The following ARHGEF4 variants were observed in gnomAD, a reference collection of about 807,000 sequenced individuals.
The protein encoded by ARHGEF4 is APC-stimulated guanine nucleotide exchange factor 1.
In ARHGEF4, 119 loss-of-function variants were observed where a neutral mutation model predicts 162.0. The observed-to-expected ratio is 0.73, with a 90% CI of 0.63 to 0.86. ARHGEF4 has a LOEUF of 0.86. Among genes scored for constraint, ARHGEF4 ranks in the 40% least tolerant of loss-of-function variants. The pLI is 0.00. For missense variants in ARHGEF4, 2,488 were observed against 2,456.0 expected (o/e 1.01, Z -0.28); for synonymous variants, 1,014 against 979.9 (o/e 1.03, Z -0.65).
At position 130,963,651 on chromosome 2, in the gene ARHGEF4, C is replaced by T. The variant is rs566839848; in HGVS notation, c.3985+17016C>T. Reference sequence around the variant, plus strand: ...GCCCGCCGCCGCAGCCGCTCCAGGCCTGCGTGCGCGCGTGCGTGAGCGCGT... The same window carrying T: ...GCCCGCCGCCGCAGCCGCTCCAGGCTTGCGTGCGCGCGTGCGTGAGCGCGT... On this transcript the variant is annotated intron_variant, in intron 4 of 13. Transcript: ENST00000409359. 6.1e-3 allele frequency: 903 copies of T among 147,146 alleles called. 8 individuals are homozygous for T. Among genetic ancestry groups the T allele is most frequent in the African/African-American group, 0.021 (871 of 40,892 alleles). 9.1% of individuals were successfully genotyped at this position (147,146 alleles called of 1,614,324 possible).
intron 1 of ARHGEF4, among the ~76,000 whole-genome samples, chr2:130,852,209 G>A (rs1009666965): frequency 6.6e-6 from 1 of 152,228 alleles, no homozygotes; most frequent in African/African-American, 2.4e-5. Context: ...TGGGTCTAGT[G>A]GTGGAGACAG....
intron 1 of ARHGEF4, among the ~76,000 whole-genome samples, chr2:130,871,305 G>A (rs978879309): frequency 6.6e-6 from 1 of 152,164 alleles, no homozygotes; most frequent in Non-Finnish European, 1.5e-5. Context: ...GGAGGCCGAG[G>A]TGGGCGGATC....
rs181286781 is a variant in ARHGEF4 at position 130,877,107 on chromosome 2, C to T, written c.40-36879C>T. Among the ~76,000 whole-genome samples the T allele has an allele frequency of 3.9e-5, 6 of 152,292 alleles. No homozygotes were observed. The East Asian group carries it at 5.8e-4, about 15-fold the overall frequency. On this transcript the variant is annotated intron_variant, in intron 1 of 13. Coordinates refer to ENST00000409359, the MANE Select transcript of ARHGEF4 (RefSeq NM_001367493.1). ...AACACACAGGCTCCAACCCGCTCTCCGTGCATGCCCTCCAGCTCACAGGGA... is the reference window on the plus strand; with the variant it reads ...AACACACAGGCTCCAACCCGCTCTCTGTGCATGCCCTCCAGCTCACAGGGA...
chr2:130,966,534 C>T (rs1039142190), intron 4 of ARHGEF4, among the ~76,000 whole-genome samples: 1 of 152,244 alleles, frequency 6.6e-6, no homozygotes, highest in South Asian at 2.1e-4. Context: ...GAAACAGGCT[C>T]AGAGGTGTGG....
intron 9 of ARHGEF4, 153 bp from the exon 10 acceptor site, chr2:131,041,662 T>C: frequency 2.5e-6 from 3 of 1,221,712 alleles, no homozygotes; most frequent in Non-Finnish European, 1.1e-6. Flanking sequence ...TTGCCATTTA[T>C]GGAGAAGAGA....
intron 1 of ARHGEF4, among the ~76,000 whole-genome samples, chr2:130,903,434 A>G (rs1248140457): frequency 1.3e-5 from 2 of 151,564 alleles, no homozygotes. Context: ...TAATTTTTGT[A>G]TTTTTAGTAG....
intron 4 of ARHGEF4, among the ~76,000 whole-genome samples, chr2:130,962,501 C>CATG (rs776763079): frequency 3.9e-5 from 6 of 152,130 alleles, no homozygotes; most frequent in Non-Finnish European, 7.4e-5. Context: ...ATCATATACT[C>CATG]ATGATAGACA....
intron 6 of ARHGEF4, chr2:131,039,238 AGAGAG>A (rs1172594856): frequency 1.6e-6 from 2 of 1,276,526 alleles, no homozygotes; most frequent in Non-Finnish European, 2.1e-6. Flanking sequence ...CTCGGGGGCC[AGAGAG>A]GAGAGCAGTC....
intron 1 of ARHGEF4, among the ~76,000 whole-genome samples, chr2:130,883,122 G>A (rs1025735833): frequency 1.3e-5 from 2 of 151,988 alleles, no homozygotes; most frequent in Non-Finnish European, 2.9e-5. Context: ...TTCAAGGAGC[G>A]AGATGCCAGA....
intron 11 of ARHGEF4, among the ~76,000 whole-genome samples, chr2:131,043,849 C>T (rs1691017157): frequency 6.6e-6 from 1 of 152,184 alleles, no homozygotes; most frequent in Non-Finnish European, 1.5e-5. Context: ...CCTCAAGCTA[C>T]CTCTTCTCTC....
In ARHGEF4 at chr2:130,916,449, G is replaced by C; in HGVS notation, c.2503G>C (p.Glu835Gln). ...TTCAGGCCCCGAGGGGCTCCCCAGGGAGAATCCGCCCGCTGCGGCCGGTCG... is the reference window on the plus strand; with the variant it reads ...TTCAGGCCCCGAGGGGCTCCCCAGGCAGAATCCGCCCGCTGCGGCCGGTCG... ...GSSGPEGLPRENPPAAAGRDA... is the reference protein window; with the variant it reads ...GSSGPEGLPRQNPPAAAGRDA... Residue 835 changes from glutamate (E) to glutamine (Q), a missense_variant, in exon 2 of 14, where the codon GAG becomes CAG. By Grantham distance (29) the Glu-to-Gln change is conservative. Coordinates refer to ENST00000409359, the MANE Select transcript of ARHGEF4 (RefSeq NM_001367493.1). The C allele has an allele frequency of 6.5e-7, 1 of 1,541,440 alleles. No homozygotes were observed. The highest frequency in any genetic ancestry group is 8.7e-7 in the Non-Finnish European group (1 of 1,145,734).
chr2:130,940,517 G>A (rs1168267276), intron 3 of ARHGEF4, among the ~76,000 whole-genome samples: 1 of 151,548 alleles, frequency 6.6e-6, no homozygotes, highest in Non-Finnish European at 1.5e-5. Flanking sequence ...GGATGGTCTC[G>A]ATCTCCTGAC....
At chr2:130,877,526 TC>T (rs1279521675) in intron 1 of ARHGEF4, among the ~76,000 whole-genome samples, 1 of 152,172 alleles carries the variant, frequency 6.6e-6, no homozygotes, top group African/African-American at 2.4e-5. Context: ...TGCACATGCC[TC>T]TAGTTCCAGC....
intron 9 of ARHGEF4, 73 bp from the exon 10 acceptor site, chr2:131,041,741 TG>T: frequency 6.4e-7 from 1 of 1,558,450 alleles, no homozygotes; most frequent in Non-Finnish European, 8.7e-7. Context: ...GCTCCACACG[TG>T]GGGGCTGCAG....
intron 3 of ARHGEF4, among the ~76,000 whole-genome samples, chr2:130,940,665 A>G (rs1215632108): frequency 4.0e-5 from 6 of 150,038 alleles, no homozygotes; most frequent in African/African-American, 1.2e-4. Context: ...CGTCTCTACT[A>G]AAAATAAAAA....
Position 130,914,784 on chromosome 2 carries a change from GA to G in ARHGEF4, c.839del (p.Asp280AlafsTer19). ...GGAAAGTACTCTAGGCCCTGCAGGGGACACAGAATTGCTCTGGTCCCAGCCC... is the reference window on the plus strand; with the variant it reads ...GGAAAGTACTCTAGGCCCTGCAGGGGCACAGAATTGCTCTGGTCCCAGCCC... ...KKESTLGPAG[D>X]TELLWSQPHS... On this transcript the variant is annotated frameshift_variant, in exon 2 of 14. Coordinates refer to ENST00000409359, the MANE Select transcript of ARHGEF4 (RefSeq NM_001367493.1). LOFTEE classifies it high-confidence loss of function. 1 of 1,438,472 alleles carries G rather than the reference GA, an allele frequency of 7.0e-7. No individual in the cohort carries two copies. Among genetic ancestry groups the G allele is most frequent in the Non-Finnish European group, 9.1e-7 (1 of 1,100,902 alleles). 89.1% of individuals were successfully genotyped at this position (1,438,472 alleles called of 1,614,324 possible). A position where few individuals can be genotyped will look rare whatever the true frequency, so the allele number is the denominator to read the frequency against.
intron 6 of ARHGEF4, chr2:131,039,685 C>CT (rs1319709816): frequency 2.4e-6 from 3 of 1,239,906 alleles, no homozygotes; most frequent in Non-Finnish European, 3.0e-6. Flanking sequence ...CATCCCCCTG[C>CT]TTCTGCCCGC....
At chr2:130,879,929 C>A (rs1679087844) in intron 1 of ARHGEF4, among the ~76,000 whole-genome samples, 1 of 152,162 alleles carries the variant, frequency 6.6e-6, no homozygotes, top group South Asian at 2.1e-4. Context: ...CAGATGACGT[C>A]CTTCCTTTTT....
intron 3 of ARHGEF4, among the ~76,000 whole-genome samples, chr2:130,941,637 T>C (rs1683304736): frequency 1.3e-5 from 2 of 152,174 alleles, no homozygotes; most frequent in Non-Finnish European, 2.9e-5. Context: ...ATATATAGTA[T>C]TGTTGCAATA....
Sources: allele counts gnomAD v4.1 joint callset (sites outside exome capture counted in the v4.1 genomes callset), GRCh38; gene constraint gnomAD v4.1.1; transcripts MANE v1.5; gene names NCBI Gene and HGNC (gene_info 2026-07-23, HGNC 2026-07-21).